AKAP13: variants seen among roughly 807,000 people sequenced by gnomAD.
The protein encoded by AKAP13 is A-kinase anchoring protein 13, also known as A-kinase anchor protein 13.
In AKAP13, 80 loss-of-function variants were observed where a neutral mutation model predicts 264.5. The ratio of observed to expected loss-of-function variants is 0.30; its 90% CI spans 0.25 to 0.36. The LOEUF (loss-of-function observed/expected upper bound fraction) is 0.36. AKAP13 is among the 10% of genes least tolerant of loss of function. The probability of loss-of-function intolerance (pLI) is 1.00; values close to 1 mark genes in which losing one functional copy is unlikely to be tolerated. For synonymous variants in AKAP13, 1,380 were observed against 1,250.2 expected (o/e 1.10, Z -2.19); for missense variants, 3,712 against 3,435.2 (o/e 1.08, Z -2.01).
rs529506818 is a variant in AKAP13, at chr15:85,521,599, A to G, written c.181+24A>G. 883 of 1,610,910 alleles carry G rather than the reference A, an allele frequency of 5.5e-4. 8 individuals are homozygous for G. The South Asian group carries it at 8.0e-3, about 15-fold the overall frequency. ...TGGTAAGTATTTGAATGGGATCCTT[A>G]CTAGCTTTTCCTAGTTCTTAAACCC... On this transcript the variant is annotated intron_variant, in intron 3 of 36. Transcript: ENST00000394518.
chr15:85,551,194 CA>C (rs1260610801), intron 5 of AKAP13, among the ~76,000 whole-genome samples: 1 of 152,096 alleles, frequency 6.6e-6, no homozygotes, highest in Admixed American at 6.5e-5. Flanking sequence ...TTCAGCTGGA[CA>C]ACTTTAAGCA....
intron 14 of AKAP13, among the ~76,000 whole-genome samples, chr15:85,673,912 C>G (rs532616816): frequency 6.6e-6 from 1 of 151,480 alleles, no homozygotes; most frequent in East Asian, 1.9e-4. Flanking sequence ...AGAATGGTCT[C>G]GATCTCCTGA....
At chr15:85,452,030 A>G (rs973721489) in intron 1 of AKAP13, among the ~76,000 whole-genome samples, 2 of 148,400 alleles carry the variant, frequency 1.3e-5, no homozygotes, top group Non-Finnish European at 3.0e-5. Flanking sequence ...TCCTCTTTAC[A>G]TAATTTCTCG....
intron 3 of AKAP13, among the ~76,000 whole-genome samples, chr15:85,523,809 G>GC (rs879869538): frequency 0.012 from 931 of 79,822 alleles, 2 homozygotes; most frequent in Non-Finnish European, 0.02. Context: ...CCCCCTCCCC[G>GC]CCCCCCTTTT....
intron 9 of AKAP13, among the ~76,000 whole-genome samples, chr15:85,641,986 T>A (rs1214731382): frequency 6.6e-6 from 1 of 152,176 alleles, no homozygotes; most frequent in Non-Finnish European, 1.5e-5. Flanking sequence ...TTAAAAAGTT[T>A]GTATTATGTT....
intron 16 of AKAP13, 70 bp downstream of exon 16, chr15:85,684,943 A>C: frequency 6.6e-7 from 1 of 1,514,266 alleles, no homozygotes; most frequent in Non-Finnish European, 8.9e-7. Flanking sequence ...ATTCACACCA[A>C]AACTGGTTAA....
intron 5 of AKAP13, among the ~76,000 whole-genome samples, chr15:85,570,367 T>A (rs1193140790): frequency 6.6e-6 from 1 of 150,972 alleles, no homozygotes; most frequent in African/African-American, 2.4e-5. Flanking sequence ...CAGGAGAATC[T>A]CTTGAACCTG....
At chr15:85,558,097 C>G (rs1183403918) in intron 5 of AKAP13, among the ~76,000 whole-genome samples, 2 of 152,110 alleles carry the variant, frequency 1.3e-5, no homozygotes, top group African/African-American at 4.8e-5. Flanking sequence ...TTTTTAGAAT[C>G]TTTGCTTCAG....
intron 5 of AKAP13, among the ~76,000 whole-genome samples, chr15:85,552,483 G>A (rs185995198): frequency 2.4e-4 from 37 of 152,232 alleles, no homozygotes; most frequent in Admixed American, 1.6e-3. Flanking sequence ...TAAATAAGGC[G>A]CAGTATTCTT....
intron 14 of AKAP13, among the ~76,000 whole-genome samples, chr15:85,679,678 A>G (rs117386503): frequency 1.3e-5 from 2 of 152,346 alleles, no homozygotes; most frequent in Non-Finnish European, 2.9e-5. Flanking sequence ...AACTGTGTCC[A>G]TCCAGTAGTT....
At chr15:85,717,934 G>C in intron 21 of AKAP13, 73 bp from the exon 22 acceptor site, 1 of 1,453,290 alleles carries the variant, frequency 6.9e-7, no homozygotes, top group African/African-American at 1.4e-5. Flanking sequence ...CTATCATCTT[G>C]AGGAAAGTCC....
At chr15:85,462,800 G>A (rs1257248259) in intron 1 of AKAP13, among the ~76,000 whole-genome samples, 10 of 151,686 alleles carry the variant, frequency 6.6e-5, no homozygotes, top group Admixed American at 3.3e-4. Flanking sequence ...CGAGGCGGGC[G>A]GATCACGAGG....
At chr15:85,384,640 C>A (rs2070460774) in intron 1 of AKAP13, among the ~76,000 whole-genome samples, 2 of 151,694 alleles carry the variant, frequency 1.3e-5, no homozygotes, top group South Asian at 4.2e-4. Flanking sequence ...TCGCTTGAAC[C>A]CGGGAGGTGG....
chr15:85,719,780 C>T (rs2087166877), intron 23 of AKAP13, among the ~76,000 whole-genome samples: 1 of 151,832 alleles, frequency 6.6e-6, no homozygotes, highest in African/African-American at 2.4e-5. Context: ...ACTAAAAATA[C>T]AAAAATTAGC....
chr15:85,511,751 C>T (rs2076430182), intron 2 of AKAP13, among the ~76,000 whole-genome samples: 1 of 152,144 alleles, frequency 6.6e-6, no homozygotes, highest in Admixed American at 6.5e-5. Context: ...CTTGGCCTCC[C>T]CAGGGGCTGG....
intron 1 of AKAP13, among the ~76,000 whole-genome samples, chr15:85,484,875 A>G (rs2075482503): frequency 6.6e-6 from 1 of 152,176 alleles, no homozygotes; most frequent in African/African-American, 2.4e-5. Flanking sequence ...GCTGGTTAGT[A>G]TGTGCCTTCA....
intron 17 of AKAP13, among the ~76,000 whole-genome samples, chr15:85,696,918 G>T (rs2085594530): frequency 6.6e-6 from 1 of 152,128 alleles, no homozygotes; most frequent in Non-Finnish European, 1.5e-5. Context: ...ATTCTACCCA[G>T]TGGCCTTCAG....
At chr15:85,648,282 A>C (rs997518969) in intron 10 of AKAP13, among the ~76,000 whole-genome samples, 1 of 152,218 alleles carries the variant, frequency 6.6e-6, no homozygotes, top group African/African-American at 2.4e-5. Context: ...TTTAACGTAA[A>C]AAGTTTTTTA....
intron 1 of AKAP13, among the ~76,000 whole-genome samples, chr15:85,462,533 C>T (rs1045802908): frequency 2.6e-5 from 4 of 152,028 alleles, no homozygotes; most frequent in East Asian, 1.9e-4. Flanking sequence ...TTGAAGAAAC[C>T]GGAAAGTGTG....
Sources: gnomAD v4.1 joint callset for allele counts (sites outside exome capture counted in the v4.1 genomes callset) on GRCh38, gnomAD v4.1.1 for gene constraint, MANE v1.5 for transcripts, NCBI Gene and HGNC (gene_info 2026-07-23, HGNC 2026-07-21) for gene names.